AKAP6: variants seen among roughly 807,000 people sequenced by gnomAD.
The protein encoded by AKAP6 is A-kinase anchoring protein 6.
AKAP6 carries 58 observed loss-of-function variants against 188.5 expected under a neutral mutation model. That is an observed-to-expected ratio of 0.31 (90% CI 0.25 to 0.38). The LOEUF (loss-of-function observed/expected upper bound fraction) is 0.38, where lower values mean the gene tolerates loss of function less well. Ranked by LOEUF, AKAP6 falls within the 10% of genes least tolerant of loss-of-function variation. The pLI is 1.00. For synonymous variants in AKAP6, 989 were observed against 998.6 expected (o/e 0.99, Z 0.18); for missense variants, 2,710 against 2,740.0 (o/e 0.99, Z 0.24).
intron 7 of AKAP6, among the ~76,000 whole-genome samples, chr14:32,615,680 C>T (rs954612030): frequency 1.3e-5 from 2 of 148,396 alleles, no homozygotes; most frequent in Non-Finnish European, 3.0e-5. Flanking sequence ...ACTGCAAGCT[C>T]CGCCTCTCAG....
intron 2 of AKAP6, among the ~76,000 whole-genome samples, chr14:32,489,242 C>T (rs546056794): frequency 6.6e-6 from 1 of 152,288 alleles, no homozygotes; most frequent in South Asian, 2.1e-4. Flanking sequence ...TGCAATCTCA[C>T]TCTGTCGCCC....
chr14:32,572,268 A>C (rs1334842012), intron 4 of AKAP6, among the ~76,000 whole-genome samples: 2 of 152,216 alleles, frequency 1.3e-5, no homozygotes, highest in African/African-American at 4.8e-5. Flanking sequence ...ACCATCTCGA[A>C]GATTTGTGGT....
At position 32,355,821 on chromosome 14, in the gene AKAP6, C is replaced by T. The variant is rs144237063; in HGVS notation, c.-35+26413C>T. Among the ~76,000 whole-genome samples, 674 of 151,898 alleles carry T rather than the reference C, an allele frequency of 4.4e-3. 4 individuals carry two copies. Among genetic ancestry groups the T allele is most frequent in the African/African-American group, 0.016 (645 of 41,418 alleles). ...ACAAGTTCTTGCTCTGTCACCTAGG[C>T]TGAAGTCCAGTGATGTGATCACAGC... On this transcript the variant is annotated intron_variant, in intron 1 of 13. Transcript: ENST00000280979.
chr14:32,518,474 A>G (rs551213464), intron 2 of AKAP6, among the ~76,000 whole-genome samples: 2 of 152,312 alleles, frequency 1.3e-5, no homozygotes, highest in East Asian at 3.9e-4. Context: ...GGCTAACTAG[A>G]ATAAACAGCA....
At chr14:32,487,873 G>C (rs2138930975) in intron 2 of AKAP6, among the ~76,000 whole-genome samples, 2 of 152,346 alleles carry the variant, frequency 1.3e-5, no homozygotes, top group South Asian at 4.1e-4. Flanking sequence ...AGCGGAGGCT[G>C]AGGAACAGCA....
At chr14:32,484,661 A>G (rs1478200466) in intron 2 of AKAP6, 1 of 213,096 alleles carries the variant, frequency 4.7e-6, no homozygotes. Context: ...GTTACCTAGA[A>G]GGTTGCCTGG....
chr14:32,643,880 T>C (rs1594807102), intron 7 of AKAP6, among the ~76,000 whole-genome samples: 1 of 152,194 alleles, frequency 6.6e-6, no homozygotes, highest in East Asian at 1.9e-4. Flanking sequence ...AAATGCATAG[T>C]TCTTCATCTT....
chr14:32,769,111 G>GAT (rs1566698363), intron 11 of AKAP6, among the ~76,000 whole-genome samples: 1 of 124,470 alleles, frequency 8.0e-6, no homozygotes, highest in Non-Finnish European at 1.6e-5. Context: ...GCAATGGCAC[G>GAT]ATCTCGGCCC....
intron 2 of AKAP6, among the ~76,000 whole-genome samples, chr14:32,500,791 A>G (rs1473896590): frequency 6.6e-6 from 1 of 152,152 alleles, no homozygotes; most frequent in African/African-American, 2.4e-5. Context: ...TAGTGTCTAC[A>G]GGTATGATGG....
At chr14:32,366,109 C>T (rs1887824888) in intron 1 of AKAP6, among the ~76,000 whole-genome samples, 1 of 152,078 alleles carries the variant, frequency 6.6e-6, no homozygotes, top group Non-Finnish European at 1.5e-5. Context: ...TCCATTGTCC[C>T]TACCCTCCCC....
chr14:32,619,857 T>TTTGTA (rs1594787552), intron 7 of AKAP6, among the ~76,000 whole-genome samples: 1 of 152,190 alleles, frequency 6.6e-6, no homozygotes, highest in East Asian at 1.9e-4. Flanking sequence ...TCAGCAGTGT[T>TTTGTA]TTGTAGTTCT....
At chr14:32,415,100 A>G (rs1366794482) in intron 1 of AKAP6, among the ~76,000 whole-genome samples, 1 of 152,230 alleles carries the variant, frequency 6.6e-6, no homozygotes, top group East Asian at 1.9e-4. Flanking sequence ...AGTAGAAGAC[A>G]AGAAGAGTGG....
At chr14:32,433,231 G>T (rs369989256) in intron 1 of AKAP6, 2 of 395,538 alleles carry the variant, frequency 5.1e-6, no homozygotes, top group Non-Finnish European at 9.3e-6. Flanking sequence ...TGGGGGCGGT[G>T]GGGGGAGAGT....
chr14:32,813,401 A>G (rs1955479), intron 12 of AKAP6, among the ~76,000 whole-genome samples: 15,431 of 76,440 alleles, frequency 0.2, 1,384 homozygotes, highest in East Asian at 0.34. Flanking sequence ...CCCCCCCCCC[A>G]ACCCCTTTCC....
rs1299006619 is a variant in AKAP6 at position 32,364,011 on chromosome 14, T to C, written c.-35+34603T>C. ...TTAGCTGGTTTCCCCCAGTAGACTG[T>C]AAGAAGGATGAAGTCAGGGGGCTGT... On this transcript the variant is annotated intron_variant, in intron 1 of 13. Coordinates refer to ENST00000280979, the MANE Select transcript of AKAP6 (RefSeq NM_004274.5). Among the ~76,000 whole-genome samples, 4 of 152,002 alleles carry C rather than the reference T, an allele frequency of 2.6e-5. 1 individual carries two copies. In the East Asian group the frequency reaches 7.7e-4, roughly 29 times the overall value.
At chr14:32,614,466 A>T (rs1157569174) in intron 7 of AKAP6, among the ~76,000 whole-genome samples, 2 of 152,200 alleles carry the variant, frequency 1.3e-5, no homozygotes, top group Admixed American at 1.3e-4. Context: ...TTCCAAGGCA[A>T]TCAATAGTTC....
At chr14:32,749,604 C>T (rs972058228) in intron 11 of AKAP6, among the ~76,000 whole-genome samples, 4 of 152,094 alleles carry the variant, frequency 2.6e-5, no homozygotes, top group African/African-American at 7.2e-5. Flanking sequence ...ATACTGATAA[C>T]GTGAATATAT....
chr14:32,745,944 G>A lies in AKAP6; in HGVS notation c.3372+10062G>A, dbSNP rs2031891541. On this transcript the variant is annotated intron_variant, in intron 11 of 13. Transcript: ENST00000280979. ...AAAACCAGGGGAGCCTCACCCTATG[G>A]CCACCAGCACAGACCATGGAGAGTA... 2.0e-5 allele frequency among the ~76,000 whole-genome samples: 3 copies of A among 152,076 alleles called. No homozygotes were observed. In the South Asian group the frequency reaches 6.2e-4, roughly 31 times the overall value.
intron 9 of AKAP6, among the ~76,000 whole-genome samples, chr14:32,701,178 G>T (rs1238322437): frequency 6.6e-6 from 1 of 151,866 alleles, no homozygotes; most frequent in Non-Finnish European, 1.5e-5. Flanking sequence ...TTATTTATAA[G>T]AATCAACATG....
Sources: allele counts gnomAD v4.1 joint callset (sites outside exome capture counted in the v4.1 genomes callset), GRCh38; gene constraint gnomAD v4.1.1; transcripts MANE v1.5; gene names NCBI Gene and HGNC (gene_info 2026-07-23, HGNC 2026-07-21).